Variants in ASTN1 observed in about 807,000 individuals in gnomAD.
ASTN1 encodes astrotactin-1.
In ASTN1, 41 loss-of-function variants were observed where a neutral mutation model predicts 140.7. That is an observed-to-expected ratio of 0.29 (90% confidence interval 0.23 to 0.38). ASTN1 has a LOEUF of 0.38. Among genes scored for constraint, ASTN1 ranks in the 10% least tolerant of loss-of-function variants. The pLI is 1.00. For synonymous variants in ASTN1, 640 were observed against 652.2 expected, an observed-to-expected ratio of 0.98 and a Z score of 0.29; for missense variants, 1,479 against 1,678.8, an observed-to-expected ratio of 0.88 and a Z score of 2.08.
intron 1 of ASTN1, among the ~76,000 whole-genome samples, chr1:177,134,006 G>A (rs918184941): frequency 6.6e-6 from 1 of 152,102 alleles, no homozygotes; most frequent in Non-Finnish European, 1.5e-5. Context: ...AGTCACCCAG[G>A]GAATGTGTGT....
At chr1:176,944,239 G>A (rs773630268) in intron 13 of ASTN1, among the ~76,000 whole-genome samples, 7 of 152,146 alleles carry the variant, frequency 4.6e-5, no homozygotes, top group Non-Finnish European at 8.8e-5. Flanking sequence ...ACCACGCCCG[G>A]CTAATTTCAA....
At chr1:176,857,570 A>G, downstream of ASTN1, 1 of 550,240 alleles carries the variant, frequency 1.8e-6, no homozygotes, top group East Asian at 3.3e-5. Context: ...GGCAGGGAGA[A>G]GGGGAAATAC....
intron 13 of ASTN1, 40 bp downstream of exon 13, chr1:176,945,886 A>G (rs2076070): frequency 0.19 from 297,320 of 1,533,096 alleles, 31,460 homozygotes; most frequent in African/African-American, 0.4. Context: ...AAAGTCCACC[A>G]ACAGTCTTGA....
At chr1:177,106,677 A>G (rs965495388) in intron 1 of ASTN1, among the ~76,000 whole-genome samples, 2 of 152,216 alleles carry the variant, frequency 1.3e-5, no homozygotes, top group African/African-American at 2.4e-5. Flanking sequence ...GGTTTACTCT[A>G]AGATTATAGA....
At chr1:177,053,460 T>C (rs1677639529) in intron 2 of ASTN1, among the ~76,000 whole-genome samples, 1 of 152,324 alleles carries the variant, frequency 6.6e-6, no homozygotes, top group East Asian at 1.9e-4. Flanking sequence ...TGTCTCTCAG[T>C]TCTGCCAAGG....
At chr1:177,068,715 C>T (rs76905330) in intron 1 of ASTN1, among the ~76,000 whole-genome samples, 6,969 of 152,068 alleles carry the variant, frequency 0.046, 290 homozygotes, top group African/African-American at 0.11. Context: ...GTCAGATGCA[C>T]GCTGTTTTTT....
At chr1:177,062,258 T>A (rs1449605290) in intron 1 of ASTN1, among the ~76,000 whole-genome samples, 1 of 152,020 alleles carries the variant, frequency 6.6e-6, no homozygotes. Flanking sequence ...TTCTTTTTTT[T>A]AAGCAAGGGT....
rs377621678 is a variant in ASTN1, at chr1:176,976,391, G to A, written c.1524-11154C>T. On this transcript the variant is annotated intron_variant, in intron 8 of 22. Transcript: ENST00000361833. ...TGCTCTCTTCCTCCTCTCTCACCCT[G>A]CTAGCAGCTGCTGCAGACACTGAAA... 1.3e-4 allele frequency: 20 copies of A among 152,260 alleles called. No homozygotes were observed. The South Asian group carries it at 4.2e-3, about 32-fold the overall frequency. 9.4% of individuals were successfully genotyped at this position (152,260 alleles called of 1,614,324 possible). A position where few individuals can be genotyped will look rare whatever the true frequency, so the allele number is the denominator to read the frequency against.
chr1:176,891,144 T>C (rs1056904503), intron 17 of ASTN1, among the ~76,000 whole-genome samples: 35 of 152,234 alleles, frequency 2.3e-4, no homozygotes, highest in Admixed American at 2.3e-3. Flanking sequence ...GGAGCCCATT[T>C]GGAAAGAAAA....
At chr1:177,067,707 T>C (rs966691605) in intron 1 of ASTN1, among the ~76,000 whole-genome samples, 2 of 152,196 alleles carry the variant, frequency 1.3e-5, no homozygotes, top group African/African-American at 2.4e-5. Flanking sequence ...CAAGTCTTAA[T>C]GTCTGTGGAA....
At chr1:176,902,725 T>G (rs1167568102) in intron 16 of ASTN1, among the ~76,000 whole-genome samples, 1 of 152,154 alleles carries the variant, frequency 6.6e-6, no homozygotes, top group African/African-American at 2.4e-5. Flanking sequence ...TCTAAGAGAT[T>G]AATAAAACAC....
rs115598090 is a variant in ASTN1 at position 177,148,141 on chromosome 1, G to A, written c.283+16253C>T. On this transcript the variant is annotated intron_variant, in intron 1 of 22. Transcript: ENST00000361833. The stretch of plus-strand genomic sequence containing the variant: ...TCTTACAATCGAAAATTTTCAGGCC[G>A]GGTGTGGTGGCTCACGCCTGTAATC... 6.4e-3 allele frequency among the ~76,000 whole-genome samples: 976 copies of A among 152,216 alleles called. 18 individuals are homozygous for A. The highest frequency in any genetic ancestry group is 0.021 in the African/African-American group (853 of 41,544).
Position 176,862,820 on chromosome 1 carries a change from CACT to C in ASTN1, c.*1461_*1463del. 1.0e-6 allele frequency: 1 copy of C among 985,330 alleles called. No homozygotes were observed. Among genetic ancestry groups the C allele is most frequent in the Non-Finnish European group, 1.2e-6 (1 of 829,854 alleles). The allele number at this position is 985,330 out of a possible 1,614,324, so 61.0% of individuals were successfully genotyped here. A position where few individuals can be genotyped will look rare whatever the true frequency, so the allele number is the denominator to read the frequency against. ...CAAGCACTCAATAAATGTTATCTGTCACTACTACTATTTAGAAAAAAAACCAAT... is the reference window on the plus strand; with the variant it reads ...CAAGCACTCAATAAATGTTATCTGTCACTACTATTTAGAAAAAAAACCAAT... On this transcript the variant is annotated 3_prime_UTR_variant, in exon 23 of 23. Coordinates refer to ENST00000361833, the MANE Select transcript of ASTN1 (RefSeq NM_004319.3).
At chr1:177,044,275 G>T (rs982682955) in intron 2 of ASTN1, among the ~76,000 whole-genome samples, 2 of 151,152 alleles carry the variant, frequency 1.3e-5, no homozygotes, top group Non-Finnish European at 2.9e-5. Flanking sequence ...GCCCCAGGCT[G>T]TCAGCCTTGT....
At chr1:177,002,334 T>G (rs567343800) in intron 8 of ASTN1, among the ~76,000 whole-genome samples, 2 of 151,874 alleles carry the variant, frequency 1.3e-5, no homozygotes, top group African/African-American at 4.8e-5. Context: ...TTCTGGTCAA[T>G]GTACTACCGA....
chr1:177,020,683 G>C (rs946510725), intron 7 of ASTN1, among the ~76,000 whole-genome samples: 5 of 152,216 alleles, frequency 3.3e-5, no homozygotes, highest in Admixed American at 6.5e-5. Context: ...AGATGAGAAT[G>C]TGGACATTTT....
chr1:177,144,409 C>T (rs1682622824), intron 1 of ASTN1, among the ~76,000 whole-genome samples: 1 of 151,560 alleles, frequency 6.6e-6, no homozygotes, highest in African/African-American at 2.4e-5. Context: ...CCAGCCACCG[C>T]GCCCGGCTAG....
In ASTN1 at chr1:177,029,509, ATTC is replaced by A. The variant is rs113014254; in HGVS notation, c.1120+122_1120+124del. 1.1e-4 allele frequency: 108 copies of A among 1,019,086 alleles called. 1 individual carries two copies. In the East Asian group the frequency reaches 2.1e-3, roughly 20 times the overall value. The allele number at this position is 1,019,086 out of a possible 1,614,324, so 63.1% of individuals were successfully genotyped here. ...AGGAAACACCAGTTGTGGTCCAAAA[ATTC>A]TTCTTGCAGAAACTGGTTTTGTTCC... On this transcript the variant is annotated intron_variant, in intron 5 of 22. Transcript: ENST00000361833.
intron 8 of ASTN1, among the ~76,000 whole-genome samples, chr1:177,009,015 C>A (rs1675151102): frequency 6.6e-6 from 1 of 152,144 alleles, no homozygotes; most frequent in Non-Finnish European, 1.5e-5. Flanking sequence ...CAGAAATTTC[C>A]TATGTCACAG....
Sources: allele counts gnomAD v4.1 joint callset (sites outside exome capture counted in the v4.1 genomes callset), GRCh38; gene constraint gnomAD v4.1.1; transcripts MANE v1.5; gene names NCBI Gene and HGNC (gene_info 2026-07-23, HGNC 2026-07-21).